Variants in RPS6KA5 observed in about 807,000 individuals in gnomAD.
RPS6KA5 encodes ribosomal protein S6 kinase A5.
A neutral mutation model predicts 85.5 loss-of-function variants in RPS6KA5; 27 were observed. The ratio of observed to expected loss-of-function variants is 0.32; its 90% CI spans 0.23 to 0.44. The LOEUF (loss-of-function observed/expected upper bound fraction) is 0.44, where lower values mean the gene tolerates loss of function less well. Among genes scored for constraint, RPS6KA5 ranks in the 20% least tolerant of loss-of-function variants. RPS6KA5 has a pLI of 1.00. For synonymous variants in RPS6KA5, 334 were observed against 348.2 expected, an observed-to-expected ratio of 0.96 and a Z score of 0.46; for missense variants, 811 against 980.9, an observed-to-expected ratio of 0.83 and a Z score of 2.31.
intron 1 of RPS6KA5, among the ~76,000 whole-genome samples, chr14:91,047,611 A>G (rs1244229076): frequency 1.3e-5 from 2 of 152,222 alleles, no homozygotes; most frequent in Non-Finnish European, 2.9e-5. Context: ...TCTCCTGGTT[A>G]ATCCAATCTT....
At position 91,026,137 on chromosome 14, in the gene RPS6KA5, G is replaced by C. The variant is rs543901908; in HGVS notation, c.104-24978C>G. ...AATTAAATTCTCTTCTAGTATAATGGCATCCAACTGCATCCATGTTGCTGC... is the reference window on the plus strand; with the variant it reads ...AATTAAATTCTCTTCTAGTATAATGCCATCCAACTGCATCCATGTTGCTGC... On this transcript the variant is annotated intron_variant, in intron 1 of 16. Transcript: ENST00000614987. Among the ~76,000 whole-genome samples the C allele has an allele frequency of 4.1e-4, 62 of 152,180 alleles. 2 individuals carry two copies. The South Asian group carries it at 0.012, about 30-fold the overall frequency.
chr14:91,021,582 T>G (rs1334438206), intron 1 of RPS6KA5, among the ~76,000 whole-genome samples: 1 of 152,096 alleles, frequency 6.6e-6, no homozygotes, highest in East Asian at 1.9e-4. Context: ...CTGGTTAATT[T>G]TTGTATTTTT....
At chr14:90,944,925 A>C (rs997607561) in intron 4 of RPS6KA5, among the ~76,000 whole-genome samples, 2 of 113,432 alleles carry the variant, frequency 1.8e-5, no homozygotes, top group Non-Finnish European at 3.5e-5. Context: ...TTTTAGACCC[A>C]ATGTCTCTAT....
At chr14:90,959,879 A>C (rs2038709683) in intron 3 of RPS6KA5, among the ~76,000 whole-genome samples, 1 of 152,184 alleles carries the variant, frequency 6.6e-6, no homozygotes, top group Non-Finnish European at 1.5e-5. Context: ...CAGCATTATA[A>C]ATTTGAATGG....
At position 90,899,319 on chromosome 14, in the gene RPS6KA5, A is replaced by G. The variant is rs1566711423; in HGVS notation, c.1473+10T>C. 1.3e-6 allele frequency: 2 copies of G among 1,530,838 alleles called. No individual in the cohort carries two copies. Among genetic ancestry groups the G allele is most frequent in the Non-Finnish European group, 1.8e-6 (2 of 1,124,318 alleles). 94.8% of individuals were successfully genotyped at this position (1,530,838 alleles called of 1,614,324 possible). A position where few individuals can be genotyped will look rare whatever the true frequency, so the allele number is the denominator to read the frequency against. On this transcript the variant is annotated intron_variant, in intron 12 of 16. Coordinates refer to ENST00000614987, the MANE Select transcript of RPS6KA5 (RefSeq NM_004755.4). ...ACACATGGGAAAAAAAAAAAAAAAA[A>G]GTAGGATACCTGATCATGAAAAACT...
intron 2 of RPS6KA5, among the ~76,000 whole-genome samples, chr14:90,999,069 A>C (rs1282993407): frequency 6.6e-6 from 1 of 152,154 alleles, no homozygotes; most frequent in African/African-American, 2.4e-5. Context: ...TTAGCTGGGC[A>C]TGGTGGTGCA....
intron 1 of RPS6KA5, among the ~76,000 whole-genome samples, chr14:91,050,881 G>T (rs2043050517): frequency 6.6e-6 from 1 of 152,180 alleles, no homozygotes; most frequent in African/African-American, 2.4e-5. Flanking sequence ...GGGAACTGTT[G>T]TTTTTCAACA....
intron 3 of RPS6KA5, among the ~76,000 whole-genome samples, chr14:90,969,809 T>C (rs139758228): frequency 1.3e-5 from 2 of 152,322 alleles, no homozygotes; most frequent in Non-Finnish European, 2.9e-5. Context: ...TCCAAAGAGC[T>C]GTTATTAATT....
chr14:90,964,914 C>CAAAAAAAAAAAAAAAAAAAAAACAAA (rs10713991), intron 3 of RPS6KA5, among the ~76,000 whole-genome samples: 1 of 70,656 alleles, frequency 1.4e-5, no homozygotes, highest in African/African-American at 5.2e-5. Flanking sequence ...GACCCTGTCT[C>CAAAAAAAAAAAAAAAAAAAAAACAAA]AAAAAAAAAA....
intron 1 of RPS6KA5, among the ~76,000 whole-genome samples, chr14:91,032,778 G>A (rs2042237280): frequency 9.6e-6 from 1 of 103,966 alleles, no homozygotes. Flanking sequence ...CTGCTACACA[G>A]AATTCATAGA....
Position 90,865,946 on chromosome 14 carries a change from T to C in RPS6KA5, c.*6128A>G, listed in dbSNP as rs2032785332. 1 of 152,228 alleles carries C rather than the reference T, an allele frequency of 6.6e-6. No homozygotes were observed. The highest frequency in any genetic ancestry group is 1.5e-5 in the Non-Finnish European group (1 of 68,042). 9.4% of individuals were successfully genotyped at this position (152,228 alleles called of 1,614,324 possible). ...CTACTTGCTTTCTCACACAGCATCA[T>C]TATTTCCTTATTCCTAATAATTTTC... On this transcript the variant is annotated 3_prime_UTR_variant, in exon 17 of 17. Transcript: ENST00000614987.
chr14:90,954,389 T>A (rs1180622995), intron 3 of RPS6KA5, among the ~76,000 whole-genome samples: 2 of 152,142 alleles, frequency 1.3e-5, no homozygotes, highest in Admixed American at 1.3e-4. Flanking sequence ...GGCTTTTCTT[T>A]GTGTGTAGTT....
At chr14:90,982,655 A>G (rs1311697401) in intron 2 of RPS6KA5, among the ~76,000 whole-genome samples, 1 of 152,210 alleles carries the variant, frequency 6.6e-6, no homozygotes, top group Non-Finnish European at 1.5e-5. Context: ...CATCAGAGCC[A>G]AGGTCTTTTC....
Position 90,882,210 on chromosome 14 carries a change from T to G in RPS6KA5, c.1837-6850A>C, listed in dbSNP as rs538192779. ...ATTTACTATCCTAAAGTTATAACACTCTAACTTGAATTTGTATCAGTTTAA... is the reference window on the plus strand; with the variant it reads ...ATTTACTATCCTAAAGTTATAACACGCTAACTTGAATTTGTATCAGTTTAA... On this transcript the variant is annotated intron_variant, in intron 14 of 16. Coordinates refer to ENST00000614987, the MANE Select transcript of RPS6KA5 (RefSeq NM_004755.4). 4.6e-5 allele frequency among the ~76,000 whole-genome samples: 7 copies of G among 152,346 alleles called. No individual in the cohort carries two copies. The South Asian group carries it at 1.4e-3, about 32-fold the overall frequency.
chr14:90,972,816 C>T (rs990017420), intron 3 of RPS6KA5, among the ~76,000 whole-genome samples: 7 of 151,838 alleles, frequency 4.6e-5, no homozygotes, highest in Admixed American at 1.3e-4. Context: ...ACATGGGAAA[C>T]GGGAAAGTAT....
At chr14:90,872,393 C>G in intron 16 of RPS6KA5, 71 bp from the exon 17 acceptor site, 3 of 1,505,280 alleles carry the variant, frequency 2.0e-6, no homozygotes, top group African/African-American at 2.8e-5. Flanking sequence ...TTATGACTTA[C>G]AGCAGAAGAC....
At chr14:90,995,848 G>C in intron 2 of RPS6KA5, among the ~76,000 whole-genome samples, 1 of 152,154 alleles carries the variant, frequency 6.6e-6, no homozygotes, top group Non-Finnish European at 1.5e-5. Flanking sequence ...GGGAAGCCAA[G>C]GCAGGAGGAT....
intron 3 of RPS6KA5, among the ~76,000 whole-genome samples, chr14:90,951,462 G>C (rs986128092): frequency 6.6e-6 from 1 of 152,112 alleles, no homozygotes; most frequent in African/African-American, 2.4e-5. Flanking sequence ...GCGACAGAGT[G>C]AGACTCCATC....
intron 1 of RPS6KA5, among the ~76,000 whole-genome samples, chr14:91,022,187 G>C (rs2041814731): frequency 6.6e-6 from 1 of 152,154 alleles, no homozygotes; most frequent in Non-Finnish European, 1.5e-5. Flanking sequence ...CCTCATGCAG[G>C]AAACTATTTG....
Sources: gnomAD v4.1 joint callset for allele counts (sites outside exome capture counted in the v4.1 genomes callset) on GRCh38, gnomAD v4.1.1 for gene constraint, MANE v1.5 for transcripts, NCBI Gene and HGNC (gene_info 2026-07-23, HGNC 2026-07-21) for gene names.